The following LHB variants were observed in gnomAD, a reference collection of about 807,000 sequenced individuals.
LHB encodes the protein luteinizing hormone subunit beta, also known as lutropin subunit beta.
LHB carries 11 observed loss-of-function variants against 10.6 expected under a neutral mutation model. The observed-to-expected ratio is 1.04, with a 90% CI of 0.66 to 1.72. The LOEUF is 1.72. LHB is among the 40% of genes most tolerant of loss of function. The pLI is 0.00. For synonymous variants in LHB, 86 were observed against 83.1 expected, an observed-to-expected ratio of 1.03 and a Z score of -0.19; for missense variants, 184 against 197.3, an observed-to-expected ratio of 0.93 and a Z score of 0.41.
rs1470030511 is a variant in LHB, at chr19:49,016,604, G to A, written c.126C>T (p.Gly42=). Residue 42 remains glycine, a synonymous_variant, in exon 2 of 3, where the codon GGC becomes GGT. Coordinates refer to ENST00000649238, the MANE Select transcript of LHB (RefSeq NM_000894.3). ...INAILAVEKE[G]CPVCITVNTT... ...TGTTGACGGTGATGCACACTGGGCA[G>A]CCCTCCTTCTCGACAGCCAGGATGG... The A allele has an allele frequency of 1.1e-5, 18 of 1,611,552 alleles. No individual in the cohort carries two copies. The highest frequency in any genetic ancestry group is 1.5e-5 in the Non-Finnish European group (18 of 1,179,712).
chr19:49,017,212 T>A, upstream of LHB: 6 of 1,483,482 alleles, frequency 4.0e-6, no homozygotes, highest in Non-Finnish European at 5.6e-6. Context: ...GAGGTGCACA[T>A]GGCCAGGGAG....
chr19:49,019,284 T>C, upstream of LHB: 1 of 1,211,120 alleles, frequency 8.3e-7, no homozygotes, highest in Non-Finnish European at 1.0e-6. Flanking sequence ...AAAAACAACC[T>C]CCCTGGTTCC....
chr19:49,016,451 C>A, intron 2 of LHB, 96 bp downstream of exon 2: 2 of 1,602,604 alleles, frequency 1.2e-6, no homozygotes, highest in South Asian at 1.1e-5. Flanking sequence ...ATTCCCCAAC[C>A]GCAGGCCAGA....
chr19:49,016,917 A>C (rs1366167322), intron 1 of LHB, 150 bp downstream of exon 1: 1 of 1,600,834 alleles, frequency 6.2e-7, no homozygotes, highest in African/African-American at 1.3e-5. Flanking sequence ...TCAGATCCCC[A>C]CCCTCAGGAA....
chr19:49,016,604 G>C lies in LHB; in HGVS notation c.126C>G (p.Gly42=). ...INAILAVEKE[G]CPVCITVNTT... The stretch of plus-strand genomic sequence containing the variant: ...TGTTGACGGTGATGCACACTGGGCA[G>C]CCCTCCTTCTCGACAGCCAGGATGG... The change falls in exon 2 of 3, where the codon GGC becomes GGG. Residue 42 remains glycine (G), a synonymous_variant. Coordinates refer to ENST00000649238, the MANE Select transcript of LHB (RefSeq NM_000894.3). 6.2e-7 allele frequency: 1 copy of C among 1,611,552 alleles called. No homozygotes were observed. The highest frequency in any genetic ancestry group is 8.5e-7 in the Non-Finnish European group (1 of 1,179,712).
chr19:49,018,293 C>T (rs2039591520), upstream of LHB: 8 of 1,177,130 alleles, frequency 6.8e-6, no homozygotes, highest in Non-Finnish European at 8.5e-6. Flanking sequence ...CTCTTCGAAG[C>T]TCCAGTAGGT....
chr19:49,017,965 G>T (rs946953312), upstream of LHB: 12 of 398,576 alleles, frequency 3.0e-5, no homozygotes, highest in Admixed American at 2.6e-4. Flanking sequence ...TGGCCCTGAC[G>T]GCTCACACCA....
Position 49,016,653 on chromosome 19 carries a change from C to G in LHB, c.77G>C (p.Arg26Pro). 3 of 1,612,162 alleles carry G rather than the reference C, an allele frequency of 1.9e-6. No individual in the cohort carries two copies. Among genetic ancestry groups the G allele is most frequent in the Non-Finnish European group, 2.5e-6 (3 of 1,179,796 alleles). Reference sequence around the variant, plus strand: ...GGCATTGATGGGGTGGCACCATGGCCGAAGCGGCTCCCTGGATGCCCATGC... The same window carrying G: ...GGCATTGATGGGGTGGCACCATGGCGGAAGCGGCTCCCTGGATGCCCATGC... ...GGAWASREPL[R>P]PWCHPINAIL... The change falls in exon 2 of 3, where the codon CGG becomes CCG. Residue 26 changes from arginine (R) to proline (P), a missense_variant. By Grantham distance (103) the Arg-to-Pro change is moderately radical (BLOSUM62 -2). Coordinates refer to ENST00000649238, the MANE Select transcript of LHB (RefSeq NM_000894.3).
upstream of LHB, chr19:49,018,311 T>G (rs2039591670): frequency 5.8e-6 from 7 of 1,211,342 alleles, no homozygotes; most frequent in Non-Finnish European, 7.2e-6. Flanking sequence ...GGTCAGGGAG[T>G]CCTTGCGGGG....
chr19:49,017,043 T>C, intron 1 of LHB, 24 bp downstream of exon 1: 1 of 1,613,534 alleles, frequency 6.2e-7, no homozygotes, highest in African/African-American at 1.3e-5. Flanking sequence ...AGGTGGAAGG[T>C]GCCCAGGGGC....
chr19:49,016,171 C>T lies in LHB; in HGVS notation c.323G>A (p.Cys108Tyr). ...PVVSFPVALS[C>Y]RCGPCRRSTS... ...GCTGCGGCGGCAGGGTCCACAGCGA[C>T]AGCTGAGAGCCACAGGGAAGGAGAC... The change falls in exon 3 of 3, where the codon TGT (cysteine) becomes TAT (tyrosine). Residue 108 changes from cysteine (C) to tyrosine (Y), a missense_variant. Physicochemically the swap from Cys to Tyr is radical, Grantham distance 194. Transcript: ENST00000649238. The T allele has an allele frequency of 1.9e-6, 3 of 1,612,682 alleles. No homozygotes were observed. The highest frequency in any genetic ancestry group is 2.5e-6 in the Non-Finnish European group (3 of 1,180,004).
At chr19:49,017,942 T>G (rs2039586616), upstream of LHB, 3 of 398,162 alleles carry the variant, frequency 7.5e-6, no homozygotes, top group East Asian at 7.1e-5. Context: ...TGGGGGCGGG[T>G]CTGGGGTGGG....
At chr19:49,017,458 A>C, upstream of LHB, 1 of 1,142,166 alleles carries the variant, frequency 8.8e-7, no homozygotes, top group Non-Finnish European at 1.1e-6. Context: ...TGAAGCCTCA[A>C]CCCTCCACTT....
Position 49,017,072 on chromosome 19 carries a change from G to C in LHB, c.10C>G (p.Leu4Val), listed in dbSNP as rs143723476. 2 of 1,613,888 alleles carry C rather than the reference G, an allele frequency of 1.2e-6. No homozygotes were observed. Among genetic ancestry groups the C allele is most frequent in the East Asian group, 4.5e-5 (2 of 44,894 alleles). The part of the protein sequence containing the change: MEM[L>V]QGLLLLLLLS... ...CAGGGGCCCTGTAGTCTTACCTGGA[G>C]CATCTCCATCCTTGGTGCATCCCCT... Residue 4 changes from leucine (L) to valine (V), a missense_variant, in exon 1 of 3, where the codon CTC becomes GTC. Physicochemically the swap from Leu to Val is conservative, Grantham distance 32 (BLOSUM62 1). Transcript: ENST00000649238.
chr19:49,016,752 G>A lies in LHB; in HGVS notation c.16-38C>T, dbSNP rs747656236. ...CACTGCTTCACCCAGGTCTGAGACC[G>A]CAGCCCCGAGTCCTGGCCTTCCCAT... On this transcript the variant is annotated intron_variant, in intron 1 of 2. Coordinates refer to ENST00000649238, the MANE Select transcript of LHB (RefSeq NM_000894.3). 5.2e-5 allele frequency: 84 copies of A among 1,606,398 alleles called. No homozygotes were observed. The Admixed American group carries it at 6.0e-4, about 11-fold the overall frequency.
chr19:49,017,965 G>A (rs946953312), upstream of LHB: 4 of 398,576 alleles, frequency 1.0e-5, no homozygotes, highest in South Asian at 2.5e-4. Flanking sequence ...TGGCCCTGAC[G>A]GCTCACACCA....
chr19:49,018,409 C>T, upstream of LHB: 5 of 952,536 alleles, frequency 5.2e-6, no homozygotes, highest in Non-Finnish European at 6.8e-6. Context: ...ACCTCGGGAT[C>T]TAAGGAGTCT....
chr19:49,017,502 G>T, upstream of LHB: 1 of 1,134,612 alleles, frequency 8.8e-7, no homozygotes, highest in Non-Finnish European at 1.1e-6. Flanking sequence ...AACCTAACAG[G>T]AGGGGCGCTG....
chr19:49,017,646 C>G (rs892612491), upstream of LHB: 4 of 920,938 alleles, frequency 4.3e-6, no homozygotes, highest in African/African-American at 1.7e-5. Context: ...CTCCGCCCAC[C>G]CTACCCTCAA....
Sources: allele counts gnomAD v4.1 joint callset, GRCh38; gene constraint gnomAD v4.1.1; transcripts MANE v1.5; gene names NCBI Gene and HGNC (gene_info 2026-07-23, HGNC 2026-07-21).